The following MRPL3 variants were observed in gnomAD, a reference collection of about 807,000 sequenced individuals.
The protein encoded by MRPL3 is large ribosomal subunit protein uL3m.
In MRPL3, 43 loss-of-function variants were observed where a neutral mutation model predicts 44.3. The ratio of observed to expected loss-of-function variants is 0.97; its 90% CI spans 0.76 to 1.25. MRPL3 has a LOEUF of 1.25. Among genes scored for constraint, MRPL3 ranks in the 50% most tolerant of loss-of-function variants. The probability of loss-of-function intolerance (pLI) is 0.00; values close to 1 mark genes in which losing one functional copy is unlikely to be tolerated. For synonymous variants in MRPL3, 171 were observed against 152.3 expected, an observed-to-expected ratio of 1.12 and a Z score of -0.91; for missense variants, 406 against 427.6, an observed-to-expected ratio of 0.95 and a Z score of 0.45.
In MRPL3 at chr3:131,489,824, TA is replaced by T. The variant is rs372802949; in HGVS notation, c.568+156del. ...AAGAGTTATCTACAGGTTTTTCCAC[TA>T]AAAAAAAAAAAAAACAAAATGAGAT... is the stretch of plus-strand genomic sequence containing the variant. On this transcript the variant is annotated intron_variant, in intron 5 of 9. Coordinates refer to ENST00000264995, the MANE Select transcript of MRPL3 (RefSeq NM_007208.4). Among the ~76,000 whole-genome samples, 530 of 116,812 alleles carry T rather than the reference TA, an allele frequency of 4.5e-3. 1 individual carries two copies. The highest frequency in any genetic ancestry group is 4.7e-3 in the Non-Finnish European group (255 of 54,020). The allele number at this position is 116,812 out of a possible 152,430, so 76.6% of individuals were successfully genotyped here.
intron 8 of MRPL3, among the ~76,000 whole-genome samples, chr3:131,468,694 C>T (rs886446172): frequency 6.6e-6 from 1 of 151,988 alleles, no homozygotes; most frequent in Non-Finnish European, 1.5e-5. Flanking sequence ...TGACCCATGG[C>T]TCCTATCTAA....
chr3:131,486,663 A>G (rs1009309611), intron 6 of MRPL3, among the ~76,000 whole-genome samples: 3 of 152,146 alleles, frequency 2.0e-5, no homozygotes, highest in African/African-American at 7.2e-5. Context: ...ATGAACAGAC[A>G]CTTCTCAAAA....
intron 4 of MRPL3, among the ~76,000 whole-genome samples, chr3:131,497,058 T>G (rs1934384666): frequency 6.6e-6 from 1 of 152,250 alleles, no homozygotes; most frequent in Admixed American, 6.5e-5. Flanking sequence ...CTGTGAAACC[T>G]CCTGGGATTT....
chr3:131,462,475 G>A lies in MRPL3; in HGVS notation c.*248C>T. The A allele has an allele frequency of 3.1e-6, 1 of 326,590 alleles. No individual in the cohort carries two copies. Among genetic ancestry groups the A allele is most frequent in the Non-Finnish European group, 5.5e-6 (1 of 181,542 alleles). The allele number at this position is 326,590 out of a possible 1,614,324, so 20.2% of individuals were successfully genotyped here. On this transcript the variant is annotated 3_prime_UTR_variant, in exon 10 of 10. Transcript: ENST00000264995. ...AAAAAGAATCGAGTCCACAAATTAA[G>A]AATATTTTGCTAATATGCCCAACAC...
In MRPL3 at chr3:131,501,575, C is replaced by A; in HGVS notation, c.233G>T (p.Cys78Phe). ...AGGCCATGGTTCATCTTTCAGAGGA[C>A]ACAGTTTACTTGCTAATTGGGCTTT... ...EDKAQLASKL[C>F]PLKDEPWPIH... is the part of the protein sequence containing the mutation. Residue 78 changes from cysteine to phenylalanine, a missense_variant, in exon 2 of 10, where the codon TGT (cysteine) becomes TTT (phenylalanine). Coordinates refer to ENST00000264995, the MANE Select transcript of MRPL3 (RefSeq NM_007208.4). The A allele has an allele frequency of 3.7e-6, 6 of 1,612,136 alleles. No homozygotes were observed. Among genetic ancestry groups the A allele is most frequent in the Non-Finnish European group, 5.1e-6 (6 of 1,179,930 alleles).
At chr3:131,467,797 A>C (rs1242239492) in intron 9 of MRPL3, among the ~76,000 whole-genome samples, 4 of 152,116 alleles carry the variant, frequency 2.6e-5, no homozygotes, top group Non-Finnish European at 5.9e-5. Context: ...CCATTCTATT[A>C]GGATGGACTA....
intron 1 of MRPL3, among the ~76,000 whole-genome samples, chr3:131,502,287 C>T (rs1226144927): frequency 6.6e-6 from 1 of 152,208 alleles, no homozygotes; most frequent in African/African-American, 2.4e-5. Flanking sequence ...CTGCAGTCTA[C>T]TCTCCTTTTG....
intron 8 of MRPL3, among the ~76,000 whole-genome samples, chr3:131,468,600 A>G (rs560847395): frequency 7.2e-5 from 11 of 152,130 alleles, no homozygotes; most frequent in Non-Finnish European, 2.9e-5. Flanking sequence ...CTTCATGTGG[A>G]GAAAAAACGT....
chr3:131,491,355 T>C (rs576136689), intron 4 of MRPL3, among the ~76,000 whole-genome samples: 12 of 152,208 alleles, frequency 7.9e-5, no homozygotes, highest in Non-Finnish European at 1.5e-4. Context: ...AGACTTTCTC[T>C]TGGCTTCCAG....
intron 4 of MRPL3, among the ~76,000 whole-genome samples, chr3:131,495,223 A>G (rs1161991581): frequency 6.6e-6 from 1 of 152,132 alleles, no homozygotes; most frequent in Non-Finnish European, 1.5e-5. Flanking sequence ...CTCTATAATC[A>G]ATCGATTTGC....
At chr3:131,489,811 C>G (rs1934208119) in intron 5 of MRPL3, among the ~76,000 whole-genome samples, 170 bp downstream of exon 5, 1 of 147,708 alleles carries the variant, frequency 6.8e-6, no homozygotes, top group Non-Finnish European at 1.5e-5. Flanking sequence ...GAGTTATCTA[C>G]AGGTTTTTCC....
In MRPL3 at chr3:131,487,664, C is replaced by T. The variant is rs1934159761; in HGVS notation, c.629+16G>A. 7 of 1,600,098 alleles carry T rather than the reference C, an allele frequency of 4.4e-6. No homozygotes were observed. The highest frequency in any genetic ancestry group is 6.0e-6 in the Non-Finnish European group (7 of 1,171,206). On this transcript the variant is annotated intron_variant, in intron 6 of 9. Transcript: ENST00000264995. ...ATGAAAACAAAAGGAAAAGAGAACTCGCTATGAGGACCTACGTTTTGGCTG... is the reference window on the plus strand; with the variant it reads ...ATGAAAACAAAAGGAAAAGAGAACTTGCTATGAGGACCTACGTTTTGGCTG...
At position 131,501,575 on chromosome 3, in the gene MRPL3, C is replaced by G. The variant is rs200877052; in HGVS notation, c.233G>C (p.Cys78Ser). 5.5e-5 allele frequency: 89 copies of G among 1,612,018 alleles called. No homozygotes were observed. Among genetic ancestry groups the G allele is most frequent in the Non-Finnish European group, 1.5e-5 (18 of 1,179,938 alleles). The change falls in exon 2 of 10, where the codon TGT becomes TCT. Residue 78 changes from cysteine to serine, a missense_variant. By Grantham distance (112) the Cys-to-Ser change is moderately radical (BLOSUM62 -1). Coordinates refer to ENST00000264995, the MANE Select transcript of MRPL3 (RefSeq NM_007208.4). ...EDKAQLASKL[C>S]PLKDEPWPIH... is the part of the protein sequence containing the mutation. ...AGGCCATGGTTCATCTTTCAGAGGA[C>G]ACAGTTTACTTGCTAATTGGGCTTT...
intron 8 of MRPL3, among the ~76,000 whole-genome samples, chr3:131,469,395 CT>C (rs1365341682): frequency 6.6e-6 from 1 of 152,030 alleles, no homozygotes; most frequent in Non-Finnish European, 1.5e-5. Context: ...CTGAATCTTA[CT>C]TTTTTCATGC....
intron 1 of MRPL3, among the ~76,000 whole-genome samples, chr3:131,502,374 C>T (rs985600572): frequency 3.9e-5 from 6 of 152,194 alleles, no homozygotes; most frequent in Non-Finnish European, 5.9e-5. Context: ...AACTCACCTC[C>T]CTAACCTTCA....
intron 9 of MRPL3, among the ~76,000 whole-genome samples, chr3:131,465,473 T>A (rs1933579286): frequency 6.6e-6 from 1 of 152,190 alleles, no homozygotes; most frequent in African/African-American, 2.4e-5. Flanking sequence ...CTTGAGAAGA[T>A]GTTGTAGTAG....
chr3:131,485,185 C>T (rs920358937), intron 6 of MRPL3, among the ~76,000 whole-genome samples: 22 of 152,230 alleles, frequency 1.4e-4, no homozygotes, highest in African/African-American at 5.1e-4. Context: ...TTTATGCTTA[C>T]AAGAAGGCAG....
chr3:131,499,462 T>C (rs897995583), intron 3 of MRPL3, among the ~76,000 whole-genome samples: 5 of 152,170 alleles, frequency 3.3e-5, no homozygotes, highest in African/African-American at 1.2e-4. Flanking sequence ...CAATTTACAA[T>C]CCCACCAGCC....
At chr3:131,498,081 G>C (rs1008593106) in intron 4 of MRPL3, 98 bp downstream of exon 4, 2 of 895,130 alleles carry the variant, frequency 2.2e-6, no homozygotes, top group Non-Finnish European at 3.6e-6. Context: ...ACAAACAAAT[G>C]CAAGTTTGTG....
Sources: allele counts gnomAD v4.1 joint callset (sites outside exome capture counted in the v4.1 genomes callset), GRCh38; gene constraint gnomAD v4.1.1; transcripts MANE v1.5; gene names NCBI Gene and HGNC (gene_info 2026-07-23, HGNC 2026-07-21).